Variants in TTLL4 observed in about 807,000 individuals in gnomAD.
TTLL4 encodes tubulin tyrosine ligase like 4.
Under a neutral mutation model 122.7 loss-of-function variants are expected in TTLL4, and 85 were observed. The ratio of observed to expected loss-of-function variants is 0.69; its 90% CI spans 0.58 to 0.83. TTLL4 has a LOEUF of 0.83. Among genes scored for constraint, TTLL4 ranks in the 40% least tolerant of loss-of-function variants. TTLL4 has a pLI of 0.00. For synonymous variants in TTLL4, 553 were observed against 563.0 expected, an observed-to-expected ratio of 0.98 and a Z score of 0.25; for missense variants, 1,363 against 1,488.6, an observed-to-expected ratio of 0.92 and a Z score of 1.39.
intron 1 of TTLL4, among the ~76,000 whole-genome samples, chr2:218,711,321 C>G (rs1330558193): frequency 1.3e-5 from 2 of 152,216 alleles, no homozygotes; most frequent in African/African-American, 2.4e-5. Context: ...GCCTCATCCC[C>G]TAGTTATGGC....
chr2:218,745,419 C>A, intron 6 of TTLL4, 186 bp downstream of exon 6: 1 of 751,382 alleles, frequency 1.3e-6, no homozygotes, highest in Non-Finnish European at 2.1e-6. Flanking sequence ...TGTCCTTTAG[C>A]TGACCCTTTT....
rs1942574353 is a variant in TTLL4, at chr2:218,737,881, C to A, written c.205C>A (p.Pro69Thr). ...GGAGACACTGTCAGCAGGGTTGGGC[C>A]CAGGCCTCTTGGGCGTCCCACCCCA... ...QVETLSAGLG[P>T]GLLGVPPQPA... Residue 69 changes from proline (P) to threonine (T), a missense_variant, in exon 3 of 20, where the codon CCA becomes ACA. Physicochemically the swap from Pro to Thr is conservative, Grantham distance 38 (BLOSUM62 -1). Transcript: ENST00000392102. The A allele has an allele frequency of 6.2e-7, 1 of 1,614,086 alleles. No individual in the cohort carries two copies. The highest frequency in any genetic ancestry group is 1.3e-5 in the African/African-American group (1 of 74,918).
intron 2 of TTLL4, among the ~76,000 whole-genome samples, chr2:218,729,497 C>G (rs76046775): frequency 0.013 from 1,998 of 152,068 alleles, 52 homozygotes; most frequent in African/African-American, 0.046. Flanking sequence ...AGAGTGAAGC[C>G]AGCTTGCTTC....
chr2:218,749,953 A>G, intron 14 of TTLL4, 56 bp from the exon 15 acceptor site: 1 of 1,596,312 alleles, frequency 6.3e-7, no homozygotes, highest in Non-Finnish European at 8.5e-7. Flanking sequence ...TGCACATATG[A>G]CCAGAGACTG....
intron 3 of TTLL4, 126 bp from the exon 4 acceptor site, chr2:218,739,932 C>T: frequency 1.2e-6 from 1 of 826,084 alleles, no homozygotes; most frequent in Non-Finnish European, 1.9e-6. Context: ...TTGTGAGGTC[C>T]AGGCAAGAAG....
At chr2:218,757,972 A>G (rs1014033716), downstream of TTLL4, among the ~76,000 whole-genome samples, 1 of 152,108 alleles carries the variant, frequency 6.6e-6, no homozygotes, top group Non-Finnish European at 1.5e-5. Flanking sequence ...AGAGAGCTCC[A>G]TTTCTTGCCA....
At chr2:218,717,491 G>T (rs2106389167) in intron 1 of TTLL4, among the ~76,000 whole-genome samples, 1 of 152,188 alleles carries the variant, frequency 6.6e-6, no homozygotes, top group South Asian at 2.1e-4. Flanking sequence ...GTAATTTATA[G>T]GTTTACCTCC....
chr2:218,748,800 A>AT (rs1379926124), intron 12 of TTLL4, 36 bp from the exon 13 acceptor site: 3 of 1,592,984 alleles, frequency 1.9e-6, no homozygotes, highest in Non-Finnish European at 2.6e-6. Flanking sequence ...CATTCCTAGA[A>AT]TTTAATTCCT....
intron 1 of TTLL4, among the ~76,000 whole-genome samples, chr2:218,721,962 T>A (rs1942052706): frequency 6.7e-6 from 1 of 148,970 alleles, no homozygotes; most frequent in Non-Finnish European, 1.5e-5. Context: ...TGTCTCTATT[T>A]AAAAAAAAAA....
At chr2:218,746,902 G>C in intron 8 of TTLL4, 101 bp from the exon 9 acceptor site, 1 of 1,315,730 alleles carries the variant, frequency 7.6e-7, no homozygotes, top group South Asian at 1.4e-5. Flanking sequence ...CAAAAGCTTG[G>C]AGTGCTGCTA....
intron 1 of TTLL4, among the ~76,000 whole-genome samples, chr2:218,715,628 A>G (rs998572388): frequency 3.3e-5 from 5 of 151,884 alleles, no homozygotes; most frequent in Non-Finnish European, 7.4e-5. Context: ...AGGAATGATA[A>G]TCTTTTTTTT....
rs370491335 is a variant in TTLL4 at position 218,745,777 on chromosome 2, C to T, written c.1873C>T (p.Arg625Trp). ...TPNIVKQTIGRSHFKISKRND... is the reference protein window; with the variant it reads ...TPNIVKQTIGWSHFKISKRND... Reference sequence around the variant, plus strand: ...CAACATTGTCAAGCAGACCATTGGACGGTCCCACTTCAAAATCAGCAAAAG... The same window carrying T: ...CAACATTGTCAAGCAGACCATTGGATGGTCCCACTTCAAAATCAGCAAAAG... The change falls in exon 7 of 20, where the codon CGG becomes TGG. Residue 625 changes from arginine to tryptophan, a missense_variant. Around this residue, in one of 3 missense-constraint regions of TTLL4, gnomAD observed 760 missense variants for 808.4 expected, o/e 0.94. Transcript: ENST00000392102. The T allele has an allele frequency of 1.9e-5, 31 of 1,613,270 alleles. No individual in the cohort carries two copies. Among genetic ancestry groups the T allele is most frequent in the African/African-American group, 5.3e-5 (4 of 74,850 alleles).
chr2:218,740,056 A>G lies in TTLL4; in HGVS notation c.1488-2A>G. 2 of 1,613,802 alleles carry G rather than the reference A, an allele frequency of 1.2e-6. No individual in the cohort carries two copies. Among genetic ancestry groups the G allele is most frequent in the Non-Finnish European group, 8.5e-7 (1 of 1,179,820 alleles). ...GGCTGGGGGCATGATTCTTTCTTTT[A>G]GTTCAGCTACTGACCTCCAGCCAGA... On this transcript the variant is annotated splice_acceptor_variant, in intron 3 of 19. Coordinates refer to ENST00000392102, the MANE Select transcript of TTLL4 (RefSeq NM_014640.5). LOFTEE classifies it high-confidence loss of function.
At chr2:218,742,872 C>T (rs907231950) in intron 5 of TTLL4, among the ~76,000 whole-genome samples, 2 of 152,090 alleles carry the variant, frequency 1.3e-5, no homozygotes, top group African/African-American at 4.8e-5. Flanking sequence ...CCTGTAACCC[C>T]AGCACTTTGG....
Position 218,738,975 on chromosome 2 carries a change from C to G in TTLL4, c.1299C>G (p.His433Gln), listed in dbSNP as rs1942622758. 6.2e-7 allele frequency: 1 copy of G among 1,614,236 alleles called. No homozygotes were observed. Among genetic ancestry groups the G allele is most frequent in the Non-Finnish European group, 8.5e-7 (1 of 1,180,036 alleles). Residue 433 changes from histidine to glutamine, a missense_variant, in exon 3 of 20, where the codon CAC (histidine) becomes CAG (glutamine). Coordinates refer to ENST00000392102, the MANE Select transcript of TTLL4 (RefSeq NM_014640.5). The stretch of plus-strand genomic sequence containing the variant: ...CCTCACATGCCAGTGGGCTCAATCA[C>G]AACCCTGCCTGTGAATCTGTAATTG... Reference protein sequence around the residue: ...LLASHASGLNHNPACESVIDS... With the variant: ...LLASHASGLNQNPACESVIDS...
chr2:218,743,867 C>T (rs1300170692), intron 5 of TTLL4, among the ~76,000 whole-genome samples: 8 of 152,052 alleles, frequency 5.3e-5, no homozygotes, highest in African/African-American at 9.6e-5. Context: ...TTAGTAGAGA[C>T]GGGGTTTCCC....
downstream of TTLL4, among the ~76,000 whole-genome samples, chr2:218,756,177 G>A (rs1410468519): frequency 6.6e-6 from 1 of 152,132 alleles, no homozygotes; most frequent in African/African-American, 2.4e-5. Flanking sequence ...GGGCCTTCAC[G>A]GCAAGGACCT....
At chr2:218,758,534 T>C (rs1943190866), downstream of TTLL4, among the ~76,000 whole-genome samples, 1 of 152,216 alleles carries the variant, frequency 6.6e-6, no homozygotes, top group Non-Finnish European at 1.5e-5. Context: ...CAAACTATGG[T>C]AAAATATACT....
At position 218,738,100 on chromosome 2, in the gene TTLL4, GA is replaced by G; in HGVS notation, c.430del (p.Ser144AlafsTer74). The G allele has an allele frequency of 6.2e-7, 1 of 1,613,928 alleles. No homozygotes were observed. Among genetic ancestry groups the G allele is most frequent in the East Asian group, 2.2e-5 (1 of 44,842 alleles). On this transcript the variant is annotated frameshift_variant, in exon 3 of 20. Coordinates refer to ENST00000392102, the MANE Select transcript of TTLL4 (RefSeq NM_014640.5). LOFTEE classifies it high-confidence loss of function. ...TTTCTGCTTGCGTTCGAGCCCGTCA[GA>G]AAAAAGCCCTTTTTCTCTCCCTCAA... ...ESFCLRSSPS[E>X]KSPFSLPQKS...
Sources: gnomAD v4.1 joint callset for allele counts (sites outside exome capture counted in the v4.1 genomes callset) on GRCh38, gnomAD v4.1.1 for gene constraint, gnomAD v4.1.1 regional missense constraint, MANE v1.5 for transcripts, NCBI Gene and HGNC (gene_info 2026-07-23, HGNC 2026-07-21) for gene names.